Variants in TTLL8 observed in about 807,000 individuals in gnomAD.
The protein encoded by TTLL8 is tubulin tyrosine ligase like 8.
Under a neutral mutation model 77.8 loss-of-function variants are expected in TTLL8, and 65 were observed. That is an observed-to-expected ratio of 0.84 (90% CI 0.68 to 1.03). The LOEUF (loss-of-function observed/expected upper bound fraction) is 1.03. TTLL8 is among the 50% of genes least tolerant of loss of function. The pLI is 0.00. For missense variants in TTLL8, 910 were observed against 1,004.5 expected (o/e 0.91, Z 1.27); for synonymous variants, 402 against 422.8 (o/e 0.95, Z 0.60).
At chr22:50,049,966 G>C (rs1057070299) in intron 2 of TTLL8, 143 bp downstream of exon 4, 1 of 1,077,980 alleles carries the variant, frequency 9.3e-7, no homozygotes, top group Non-Finnish European at 1.2e-6. Context: ...GGCCAGGAGG[G>C]TGATGGAGAC....
intron 5 of TTLL8, 24 bp downstream of exon 7, chr22:50,045,832 G>T (rs200355490): frequency 8.3e-6 from 11 of 1,317,616 alleles, no homozygotes; most frequent in East Asian, 5.1e-5. Context: ...CAGCACTGGG[G>T]CCCTCTGCCG....
chr22:50,030,910 G>T lies in TTLL8; in HGVS notation c.1723C>A (p.Pro575Thr), dbSNP rs756433263. 9 of 1,321,260 alleles carry T rather than the reference G, an allele frequency of 6.8e-6. No individual in the cohort carries two copies. The South Asian group carries it at 9.6e-5, about 14-fold the overall frequency. 81.8% of individuals were successfully genotyped at this position (1,321,260 alleles called of 1,614,324 possible). The change falls in exon 12 of 14, where the codon CCC becomes ACC. Residue 575 changes from proline to threonine, a missense_variant. Coordinates refer to ENST00000266182, the Ensembl canonical transcript of TTLL8. Reference sequence around the variant, plus strand: ...CAGAGGTCGGACCCGCTGAATGGGGGCGGCTCAACCACCGGCTGTGGGGAA... The same window carrying T: ...CAGAGGTCGGACCCGCTGAATGGGGTCGGCTCAACCACCGGCTGTGGGGAA...
At chr22:50,050,374 C>T (rs1432006804) in intron 1 of TTLL8, 127 bp from the exon 4 acceptor site, 15 of 455,134 alleles carry the variant, frequency 3.3e-5, no homozygotes, top group South Asian at 2.3e-4. Context: ...CCCAATATGT[C>T]CTTTTTTTTT....
chr22:50,030,320 C>G, intron 12 of TTLL8, 110 bp downstream of exon 13: 1 of 1,132,066 alleles, frequency 8.8e-7, no homozygotes. Context: ...GCCCCAGCAC[C>G]GAAGCCTGCC....
chr22:50,045,920 G>A (rs773967063), exon 5 of TTLL8: 9 of 1,362,202 alleles, frequency 6.6e-6, no homozygotes, highest in African/African-American at 1.5e-5. Context: ...AGGAGTCGGG[G>A]TTGGCCGGGA....
exon 6 of TTLL8, chr22:50,045,342 T>C: frequency 7.3e-7 from 1 of 1,366,084 alleles, no homozygotes; most frequent in Non-Finnish European, 9.8e-7. Context: ...CTCTGGTGGC[T>C]GACCACCCAC....
At chr22:50,033,279 G>C (rs778998656) in exon 10 of TTLL8, 1 of 1,362,402 alleles carries the variant, frequency 7.3e-7, no homozygotes. Flanking sequence ...TGGTCAGGGG[G>C]TTCCAGTCCG....
chr22:50,027,533 C>CA (rs137889), intron 12 of TTLL8: 85,188 of 609,962 alleles, frequency 0.14, 2,968 homozygotes, highest in South Asian at 0.24. Flanking sequence ...GACTCCGTCT[C>CA]AAAAAAAAAA....
At chr22:50,026,519 G>A (rs964729114) in intron 12 of TTLL8, among the ~76,000 whole-genome samples, 6 of 151,856 alleles carry the variant, frequency 4.0e-5, no homozygotes, top group Non-Finnish European at 5.9e-5. Flanking sequence ...CTGCACCGCC[G>A]CCACCTCAGA....
chr22:50,036,057 C>A (rs888820190), intron 8 of TTLL8, among the ~76,000 whole-genome samples: 4 of 152,242 alleles, frequency 2.6e-5, no homozygotes, highest in African/African-American at 7.2e-5. Flanking sequence ...ACATCCCAAA[C>A]TCATCAGAGA....
At position 50,034,460 on chromosome 22, in the gene TTLL8, G is replaced by A. The variant is rs1252332135; in HGVS notation, c.924C>T (p.Cys308=). 1 of 1,366,828 alleles carries A rather than the reference G, an allele frequency of 7.3e-7. No individual in the cohort carries two copies. The highest frequency in any genetic ancestry group is 1.9e-5 in the Admixed American group (1 of 52,570). 84.7% of individuals were successfully genotyped at this position (1,366,828 alleles called of 1,614,324 possible). ...ACGTGATTCTATTCAGCAGAGCCTG[G>A]CACTGCGAAAAGTAATTTCTTGAAT... Residue 308 remains cysteine, a splice_region_variant and synonymous_variant, in exon 9 of 14, where the codon TGC becomes TGT. Transcript: ENST00000266182. This position sits in a 1 kb window ranked among gnomAD's most constrained non-coding sequence, Gnocchi z 4.1.
In TTLL8 at chr22:50,034,322, C is replaced by T. The variant is rs765742052; in HGVS notation, c.1039+23G>A. 14 of 1,350,506 alleles carry T rather than the reference C, an allele frequency of 1.0e-5. No individual in the cohort carries two copies. Among genetic ancestry groups the T allele is most frequent in the Middle Eastern group, 2.9e-4 (1 of 3,438 alleles). 83.7% of individuals were successfully genotyped at this position (1,350,506 alleles called of 1,614,324 possible). On this transcript the variant is annotated intron_variant, in intron 9 of 13. Transcript: ENST00000266182. This position sits in a 1 kb window ranked among gnomAD's most constrained non-coding sequence, Gnocchi z 4.1. ...AAGTGTGGCCGTTGGTGGCTATGAA[C>T]GCGGTGCAGGGAGCATCCGCACCAG...
At chr22:50,033,368 A>C in exon 10 of TTLL8, 1 of 1,365,398 alleles carries the variant, frequency 7.3e-7, no homozygotes. Flanking sequence ...TGGACCACCC[A>C]CTTGTTGTCC....
At chr22:50,025,014 C>T (rs2061223587) in intron 12 of TTLL8, among the ~76,000 whole-genome samples, 1 of 152,136 alleles carries the variant, frequency 6.6e-6, no homozygotes, top group South Asian at 2.1e-4. Context: ...CAAGAGTGAG[C>T]CCATTTGTAT....
At position 50,034,327 on chromosome 22, in the gene TTLL8, T is replaced by A. The variant is rs549384957; in HGVS notation, c.1039+18A>T. ...TGGCCGTTGGTGGCTATGAACGCGG[T>A]GCAGGGAGCATCCGCACCAGGGGAC... On this transcript the variant is annotated intron_variant, in intron 9 of 13. Transcript: ENST00000266182. This position sits in a 1 kb window ranked among gnomAD's most constrained non-coding sequence, Gnocchi z 4.1. 41 of 1,361,512 alleles carry A rather than the reference T, an allele frequency of 3.0e-5. No individual in the cohort carries two copies. The South Asian group carries it at 4.6e-4, about 15-fold the overall frequency. The allele number at this position is 1,361,512 out of a possible 1,614,324, so 84.3% of individuals were successfully genotyped here.
chr22:50,033,936 G>A (rs1424269850), intron 9 of TTLL8, among the ~76,000 whole-genome samples: 1 of 152,196 alleles, frequency 6.6e-6, no homozygotes, highest in Non-Finnish European at 1.5e-5. Flanking sequence ...GGGAGGCTAA[G>A]GCAGGAGAAT....
At position 50,041,721 on chromosome 22, in the gene TTLL8, G is replaced by A; in HGVS notation, c.730C>T (p.Gln244Ter). ...GTGTCGATGTCCTCATGCTCCAGCT[G>A]CCCCAGGTAGGCCTGGCACACCTTG... The change falls in exon 7 of 14, where the codon CAG becomes TAG. Residue 244 changes from glutamine to a stop codon, truncating the protein, a stop_gained. Transcript: ENST00000266182. LOFTEE classifies it high-confidence loss of function. The surrounding 1 kb of genome is among the most constrained non-coding windows in gnomAD (Gnocchi z 4.3). The A allele has an allele frequency of 7.3e-7, 1 of 1,366,440 alleles. No homozygotes were observed. The highest frequency in any genetic ancestry group is 9.8e-7 in the Non-Finnish European group (1 of 1,021,434). The allele number at this position is 1,366,440 out of a possible 1,614,324, so 84.6% of individuals were successfully genotyped here.
chr22:50,025,530 T>C (rs755066158), intron 12 of TTLL8, among the ~76,000 whole-genome samples: 45 of 152,096 alleles, frequency 3.0e-4, no homozygotes, highest in Non-Finnish European at 5.9e-4. Flanking sequence ...TCCCAGCTAC[T>C]CGGGAGGCTG....
In TTLL8 at chr22:50,044,940, G is replaced by A. The variant is rs551541517; in HGVS notation, c.643+315C>T. On this transcript the variant is annotated intron_variant, in intron 6 of 13. Coordinates refer to ENST00000266182, the Ensembl canonical transcript of TTLL8. This position sits in a 1 kb window ranked among gnomAD's most constrained non-coding sequence, Gnocchi z 4.2. Reference sequence around the variant, plus strand: ...CAGGCTGCGGCATCGTGGTGGCCGTGGGGTGGGGCAGGCTTCCGACCACAG... The same window carrying A: ...CAGGCTGCGGCATCGTGGTGGCCGTAGGGTGGGGCAGGCTTCCGACCACAG... 2.0e-4 allele frequency among the ~76,000 whole-genome samples: 30 copies of A among 152,262 alleles called. No individual in the cohort carries two copies. Among genetic ancestry groups the A allele is most frequent in the African/African-American group, 5.8e-4 (24 of 41,556 alleles).
Sources: allele counts gnomAD v4.1 joint callset (sites outside exome capture counted in the v4.1 genomes callset), GRCh38; gene constraint gnomAD v4.1.1; non-coding constraint Gnocchi (gnomAD v3.1); transcripts MANE v1.5; gene names NCBI Gene and HGNC (gene_info 2026-07-23, HGNC 2026-07-21).